The following TPP2 variants were observed in gnomAD, a reference collection of about 807,000 sequenced individuals.
TPP2 encodes tripeptidyl-peptidase 2.
Under a neutral mutation model 155.9 loss-of-function variants are expected in TPP2, and 34 were observed. That is an observed-to-expected ratio of 0.22 (90% confidence interval 0.17 to 0.29). TPP2 has a LOEUF of 0.29. Ranked by LOEUF, TPP2 falls within the 10% of genes least tolerant of loss-of-function variation. TPP2 has a pLI of 1.00. For missense variants in TPP2, 1,028 were observed against 1,522.3 expected, an observed-to-expected ratio of 0.68 and a Z score of 5.40; for synonymous variants, 510 against 529.4, an observed-to-expected ratio of 0.96 and a Z score of 0.50.
At chr13:102,670,364 C>T (rs614611) in intron 27 of TPP2, among the ~76,000 whole-genome samples, 100,820 of 151,962 alleles carry the variant, frequency 0.66, 33,651 homozygotes, top group Middle Eastern at 0.7. Flanking sequence ...GATGACATCA[C>T]GGTCATAACC....
intron 2 of TPP2, among the ~76,000 whole-genome samples, chr13:102,608,519 A>G (rs1461040919): frequency 6.6e-6 from 1 of 151,830 alleles, no homozygotes. Flanking sequence ...CATTGCCTTA[A>G]TCTTTTTCCT....
intron 24 of TPP2, among the ~76,000 whole-genome samples, chr13:102,653,954 G>A (rs767148180): frequency 2.5e-4 from 38 of 152,134 alleles, no homozygotes; most frequent in Non-Finnish European, 1.3e-4. Flanking sequence ...TTCATGAATA[G>A]CTGGAATGCC....
chr13:102,610,183 T>G (rs1337603919), intron 2 of TPP2, among the ~76,000 whole-genome samples: 3 of 152,170 alleles, frequency 2.0e-5, no homozygotes, highest in African/African-American at 7.2e-5. Context: ...CACAATGAAG[T>G]CTTCAAGTTT....
At chr13:102,649,591 A>ATCTT in intron 23 of TPP2, 105 bp downstream of exon 23, 6 of 944,186 alleles carry the variant, frequency 6.4e-6, no homozygotes, top group Non-Finnish European at 7.6e-6. Context: ...GAGAAGATAT[A>ATCTT]CTCTTGGGGA....
At chr13:102,635,801 T>G in intron 12 of TPP2, 99 bp downstream of exon 12, 1 of 876,554 alleles carries the variant, frequency 1.1e-6, no homozygotes, top group East Asian at 2.6e-5. Context: ...TGATTCAGTA[T>G]ATCTGAATTA....
intron 27 of TPP2, among the ~76,000 whole-genome samples, chr13:102,672,284 A>C (rs1463926846): frequency 6.6e-6 from 1 of 152,202 alleles, no homozygotes; most frequent in African/African-American, 2.4e-5. Context: ...GCTTGGAGCA[A>C]ACACAATTTG....
intron 1 of TPP2, among the ~76,000 whole-genome samples, chr13:102,598,437 G>A (rs540432663): frequency 6.6e-6 from 1 of 152,194 alleles, no homozygotes; most frequent in Non-Finnish European, 1.5e-5. Context: ...TTGATTCCTG[G>A]TGTGTGTTCT....
chr13:102,628,918 T>C (rs1253505807), intron 8 of TPP2, among the ~76,000 whole-genome samples: 1 of 152,186 alleles, frequency 6.6e-6, no homozygotes, highest in Non-Finnish European at 1.5e-5. Flanking sequence ...AAGGGTCCTG[T>C]GCATGGCTCT....
intron 23 of TPP2, among the ~76,000 whole-genome samples, chr13:102,650,183 A>G (rs1186221427): frequency 1.3e-5 from 2 of 152,110 alleles, no homozygotes; most frequent in Admixed American, 6.5e-5. Context: ...TGATGTTTAT[A>G]TAGATCTATC....
chr13:102,600,339 G>A (rs985523648), intron 1 of TPP2, among the ~76,000 whole-genome samples: 1 of 152,024 alleles, frequency 6.6e-6, no homozygotes. Context: ...AGATCCAGTC[G>A]GGTCTTGACA....
intron 25 of TPP2, among the ~76,000 whole-genome samples, chr13:102,659,318 G>T (rs1014751999): frequency 5.3e-5 from 8 of 152,110 alleles, no homozygotes; most frequent in African/African-American, 1.9e-4. Flanking sequence ...AATAATGGCT[G>T]GAAACACCCC....
At chr13:102,620,098 G>T (rs1342598501) in intron 5 of TPP2, among the ~76,000 whole-genome samples, 1 of 152,208 alleles carries the variant, frequency 6.6e-6, no homozygotes, top group African/African-American at 2.4e-5. Flanking sequence ...TAAAGTGTTT[G>T]CTCTAGGTTC....
chr13:102,609,047 C>G (rs776769002), intron 2 of TPP2, among the ~76,000 whole-genome samples: 1 of 152,032 alleles, frequency 6.6e-6, no homozygotes, highest in Non-Finnish European at 1.5e-5. Context: ...AGTCCTTAGC[C>G]CATTTGGCCT....
chr13:102,648,319 A>G (rs1318701909), intron 21 of TPP2, among the ~76,000 whole-genome samples: 2 of 152,136 alleles, frequency 1.3e-5, no homozygotes, highest in Non-Finnish European at 2.9e-5. Flanking sequence ...GCTCTAGGCT[A>G]TGGTGCACTA....
intron 19 of TPP2, among the ~76,000 whole-genome samples, chr13:102,645,895 G>A (rs892682837): frequency 9.2e-5 from 14 of 152,352 alleles, no homozygotes; most frequent in Admixed American, 7.8e-4. Flanking sequence ...AGCAGCAGGG[G>A]TCTGGGGAGG....
chr13:102,657,247 T>C, intron 25 of TPP2, 40 bp downstream of exon 25: 1 of 1,504,268 alleles, frequency 6.6e-7, no homozygotes, highest in Non-Finnish European at 8.9e-7. Flanking sequence ...AAATGTTTAG[T>C]TCTATTTTCC....
chr13:102,664,647 G>A (rs781046394), intron 26 of TPP2, 148 bp from the exon 27 acceptor site: 297 of 714,388 alleles, frequency 4.2e-4, no homozygotes, highest in Non-Finnish European at 5.9e-4. Flanking sequence ...CACAGTAGGA[G>A]ATAGCAGGGA....
At chr13:102,673,132 AT>A (rs1885081172) in intron 27 of TPP2, among the ~76,000 whole-genome samples, 1 of 152,130 alleles carries the variant, frequency 6.6e-6, no homozygotes, top group Non-Finnish European at 1.5e-5. Flanking sequence ...GGCATTTTCT[AT>A]GGTACTTAGC....
At chr13:102,629,700 G>GT in intron 9 of TPP2, 91 bp downstream of exon 9, 1 of 1,443,796 alleles carries the variant, frequency 6.9e-7, no homozygotes, top group Non-Finnish European at 9.1e-7. Flanking sequence ...TCTGCTACAC[G>GT]TAAGACACTG....
Sources: allele counts gnomAD v4.1 joint callset (sites outside exome capture counted in the v4.1 genomes callset), GRCh38; gene constraint gnomAD v4.1.1; transcripts MANE v1.5; gene names NCBI Gene and HGNC (gene_info 2026-07-23, HGNC 2026-07-21).